ARHGAP22: variants seen among roughly 807,000 people sequenced by gnomAD.
ARHGAP22 encodes Rho GTPase activating protein 22.
A neutral mutation model predicts 59.1 loss-of-function variants in ARHGAP22; 48 were observed. That is an observed-to-expected ratio of 0.81 (90% CI 0.64 to 1.03). The LOEUF is 1.03. Among genes scored for constraint, ARHGAP22 ranks in the 50% least tolerant of loss-of-function variants. The pLI is 0.00. For synonymous variants in ARHGAP22, 445 were observed against 416.4 expected (o/e 1.07, Z -0.84); for missense variants, 1,015 against 958.7 (o/e 1.06, Z -0.78).
chr10:48,572,687 C>T (rs909829775), intron 2 of ARHGAP22, among the ~76,000 whole-genome samples: 1 of 152,176 alleles, frequency 6.6e-6, no homozygotes, highest in Non-Finnish European at 1.5e-5. Flanking sequence ...CCTTACCATC[C>T]ATTCCCTCAA....
chr10:48,531,900 G>A (rs1191264695), intron 3 of ARHGAP22, among the ~76,000 whole-genome samples: 1 of 152,178 alleles, frequency 6.6e-6, no homozygotes, highest in African/African-American at 2.4e-5. Flanking sequence ...AGTTAAAAAA[G>A]ACAAGCCCTG....
At chr10:48,491,273 C>G (rs1021083600) in intron 3 of ARHGAP22, among the ~76,000 whole-genome samples, 4 of 152,240 alleles carry the variant, frequency 2.6e-5, no homozygotes, top group African/African-American at 9.6e-5. Flanking sequence ...CATGCTCCTG[C>G]TTCACGGTTT....
chr10:48,588,971 C>T (rs2059594932), intron 1 of ARHGAP22, among the ~76,000 whole-genome samples: 1 of 152,170 alleles, frequency 6.6e-6, no homozygotes, highest in South Asian at 2.1e-4. Flanking sequence ...AGGTGGGGCT[C>T]AGGCTTGGGA....
intron 1 of ARHGAP22, among the ~76,000 whole-genome samples, chr10:48,636,480 C>T (rs868859259): frequency 6.6e-6 from 1 of 152,322 alleles, no homozygotes; most frequent in South Asian, 2.1e-4. Context: ...CAAGAGCCAA[C>T]AGGGATTCTC....
intron 5 of ARHGAP22, among the ~76,000 whole-genome samples, chr10:48,456,463 G>A (rs898459792): frequency 6.6e-6 from 1 of 152,058 alleles, no homozygotes; most frequent in African/African-American, 2.4e-5. Context: ...CACCCTCCTC[G>A]GCCTTCTCCC....
chr10:48,495,227 T>C (rs1319651500), intron 3 of ARHGAP22, among the ~76,000 whole-genome samples: 1 of 152,170 alleles, frequency 6.6e-6, no homozygotes, highest in African/African-American at 2.4e-5. Context: ...GAGGGGGATG[T>C]GGAGGGCTCT....
chr10:48,449,784 G>A (rs189049385), intron 9 of ARHGAP22, among the ~76,000 whole-genome samples: 3,152 of 152,322 alleles, frequency 0.021, 54 homozygotes, highest in Non-Finnish European at 0.032. Context: ...ACGAGGGCTT[G>A]GTTCAGCAGG....
rs1490483675 is a variant in ARHGAP22 at position 48,450,895 on chromosome 10, G to A, written c.1234C>T (p.Pro412Ser). The change falls in exon 9 of 10, where the codon CCG (proline) becomes TCG (serine). Residue 412 changes from proline (P) to serine (S), a missense_variant. Pro to Ser is a moderately conservative substitution (Grantham distance 74). Transcript: ENST00000249601. ...TTCCCAGGGCTGCACCGGCTCCCCG[G>A]CCCCGTGGGGGCTGTTCTGGAGAGC... ...AVLSRTAPTG[P>S]GSRCSPGKKV... 9 of 1,589,208 alleles carry A rather than the reference G, an allele frequency of 5.7e-6. No homozygotes were observed. The highest frequency in any genetic ancestry group is 1.7e-4 in the Middle Eastern group (1 of 5,966).
chr10:48,630,249 G>A (rs1205659412), intron 1 of ARHGAP22, among the ~76,000 whole-genome samples: 2 of 151,952 alleles, frequency 1.3e-5, no homozygotes, highest in Admixed American at 6.6e-5. Context: ...CCGCCACCTC[G>A]CTCGGCTAAT....
intron 3 of ARHGAP22, among the ~76,000 whole-genome samples, chr10:48,529,859 C>T (rs930152093): frequency 2.0e-5 from 3 of 152,092 alleles, no homozygotes; most frequent in African/African-American, 7.2e-5. Context: ...AGGGAAAGAA[C>T]ACCCTATTCA....
chr10:48,478,162 A>C (rs750199641), intron 4 of ARHGAP22, among the ~76,000 whole-genome samples: 29 of 152,184 alleles, frequency 1.9e-4, no homozygotes, highest in Non-Finnish European at 2.8e-4. Flanking sequence ...GTTCACTTTC[A>C]GCAACCTGGA....
intron 1 of ARHGAP22, among the ~76,000 whole-genome samples, chr10:48,592,543 C>T (rs1050475281): frequency 1.3e-5 from 2 of 152,154 alleles, no homozygotes; most frequent in Admixed American, 1.3e-4. Flanking sequence ...CCTCCCTCAC[C>T]GGCTGTCACT....
At chr10:48,442,198 TC>T (rs1416449660), downstream of ARHGAP22, among the ~76,000 whole-genome samples, 4 of 152,188 alleles carry the variant, frequency 2.6e-5, no homozygotes, top group East Asian at 1.9e-4. Context: ...GCTGCCTCAC[TC>T]CCTGCAAGTG....
chr10:48,636,597 G>A (rs1354614910), intron 1 of ARHGAP22, among the ~76,000 whole-genome samples: 3 of 152,158 alleles, frequency 2.0e-5, no homozygotes, highest in Admixed American at 2.0e-4. Context: ...TGCAGACCAC[G>A]ATCTCCTAGA....
intron 2 of ARHGAP22, among the ~76,000 whole-genome samples, chr10:48,571,858 A>G (rs2058417959): frequency 6.6e-6 from 1 of 152,142 alleles, no homozygotes; most frequent in African/African-American, 2.4e-5. Flanking sequence ...ACGCTTCCTC[A>G]TCATTCTGTG....
chr10:48,453,375 T>C lies in ARHGAP22; in HGVS notation c.917A>G (p.Gln306Arg). The change falls in exon 8 of 10, where the codon CAG becomes CGG. Residue 306 changes from glutamine (Q) to arginine (R), a missense_variant. Coordinates refer to ENST00000249601, the MANE Select transcript of ARHGAP22 (RefSeq NM_021226.4). ...AYSNVNKMSVQNLATVFGPNI... is the reference protein window; with the variant it reads ...AYSNVNKMSVRNLATVFGPNI... ...AGGTCCAAAAACGGTTGCCAGATTC[T>C]GGACACTCATCTTGTTGACATTTGA... 1.2e-6 allele frequency: 2 copies of C among 1,614,106 alleles called. No individual in the cohort carries two copies. The highest frequency in any genetic ancestry group is 1.7e-6 in the Non-Finnish European group (2 of 1,179,994).
chr10:48,480,930 G>A (rs114202572), intron 3 of ARHGAP22, among the ~76,000 whole-genome samples: 2,527 of 152,350 alleles, frequency 0.017, 70 homozygotes, highest in African/African-American at 0.057. Context: ...AGGCTGCTCT[G>A]AGGGCTGAGG....
chr10:48,588,675 T>C (rs1243315942), intron 1 of ARHGAP22, among the ~76,000 whole-genome samples: 9 of 152,182 alleles, frequency 5.9e-5, no homozygotes, highest in Non-Finnish European at 1.5e-5. Flanking sequence ...GGACCATCCA[T>C]TCACTCATCC....
intron 1 of ARHGAP22, among the ~76,000 whole-genome samples, chr10:48,644,423 A>G (rs2062203084): frequency 6.6e-6 from 1 of 152,248 alleles, no homozygotes; most frequent in African/African-American, 2.4e-5. Flanking sequence ...AACAGTATCA[A>G]CTAATTTGAC....
Sources: allele counts gnomAD v4.1 joint callset (sites outside exome capture counted in the v4.1 genomes callset), GRCh38; gene constraint gnomAD v4.1.1; transcripts MANE v1.5; gene names NCBI Gene and HGNC (gene_info 2026-07-23, HGNC 2026-07-21).